MEIS3: variants seen among roughly 807,000 people sequenced by gnomAD.
The protein encoded by MEIS3 is homeobox protein Meis3.
In MEIS3, 38 loss-of-function variants were observed where a neutral mutation model predicts 51.4. The observed-to-expected ratio is 0.74, with a 90% CI of 0.57 to 0.97. The LOEUF is 0.97. MEIS3 is among the 50% of genes least tolerant of loss of function. MEIS3 has a pLI of 0.00. For synonymous variants in MEIS3, 198 were observed against 201.8 expected (o/e 0.98, Z 0.16); for missense variants, 456 against 502.6 (o/e 0.91, Z 0.89).
At chr19:47,408,227 A>G (rs1395822954) in intron 8 of MEIS3, among the ~76,000 whole-genome samples, 1 of 151,880 alleles carries the variant, frequency 6.6e-6, no homozygotes, top group Non-Finnish European at 1.5e-5. Context: ...CCCTGGCTCA[A>G]GCAATCCTCC....
intron 11 of MEIS3, 138 bp downstream of exon 11, chr19:47,406,750 T>A: frequency 1.1e-6 from 1 of 900,490 alleles, no homozygotes; most frequent in Non-Finnish European, 1.7e-6. Context: ...CCAGGAAATC[T>A]GCCTTGGCAT....
At chr19:47,412,590 C>T (rs1189629202) in intron 6 of MEIS3, among the ~76,000 whole-genome samples, 7 of 151,680 alleles carry the variant, frequency 4.6e-5, no homozygotes, top group Admixed American at 4.6e-4. Flanking sequence ...GAGACAGAGT[C>T]TTGCCCTGTC....
intron 1 of MEIS3, 87 bp from the exon 2 acceptor site, chr19:47,417,437 C>T: frequency 4.1e-6 from 6 of 1,465,524 alleles, no homozygotes; most frequent in African/African-American, 1.4e-5. Context: ...TATCCTGGAA[C>T]CCAGGAGATG....
intron 8 of MEIS3, chr19:47,407,633 C>T (rs1445636317): frequency 3.8e-6 from 5 of 1,330,506 alleles, no homozygotes; most frequent in African/African-American, 1.5e-5. Flanking sequence ...TGCCAGCCCC[C>T]GCCTGTTCCA....
chr19:47,404,813 G>A (rs913105817), intron 12 of MEIS3, among the ~76,000 whole-genome samples: 1 of 152,212 alleles, frequency 6.6e-6, no homozygotes, highest in African/African-American at 2.4e-5. Flanking sequence ...CCGTTCTGGG[G>A]CATCACCATC....
At position 47,419,140 on chromosome 19, in the gene MEIS3, C is replaced by A; in HGVS notation, c.-59G>T. On this transcript the variant is annotated 5_prime_UTR_variant, in exon 1 of 13. Coordinates refer to ENST00000558555, the MANE Select transcript of MEIS3 (RefSeq NM_001301059.2). Reference sequence around the variant, plus strand: ...CAGAGCCTGGCCGCGGGGGAGGGCGCAGCCCGGGGCCGCAGCCCCTGACGG... The same window carrying A: ...CAGAGCCTGGCCGCGGGGGAGGGCGAAGCCCGGGGCCGCAGCCCCTGACGG... 3.3e-6 allele frequency: 4 copies of A among 1,211,426 alleles called. No individual in the cohort carries two copies. Among genetic ancestry groups the A allele is most frequent in the Non-Finnish European group, 3.1e-6 (3 of 970,180 alleles). 75.0% of individuals were successfully genotyped at this position (1,211,426 alleles called of 1,614,324 possible).
At chr19:47,403,656 CAG>C (rs919163556) in intron 12 of MEIS3, 103 bp from the exon 13 acceptor site, 1 of 335,164 alleles carries the variant, frequency 3.0e-6, no homozygotes, top group African/African-American at 2.2e-5. Context: ...GAGGGGGACA[CAG>C]AGAGAGTGGC....
intron 1 of MEIS3, chr19:47,418,779 G>A (rs1237551381): frequency 3.0e-6 from 1 of 338,152 alleles, no homozygotes; most frequent in Non-Finnish European, 5.3e-6. Context: ...GGGGGACAGA[G>A]AGGCAGAAAG....
At chr19:47,406,285 G>GGATGGATGGATGGACGGACGGACA (rs1970813532) in intron 12 of MEIS3, 175 bp downstream of exon 12, 1 of 537,480 alleles carries the variant, frequency 1.9e-6, no homozygotes, top group South Asian at 2.8e-5. Context: ...ATGGATGGAT[G>GGATGGATGGATGGACGGACGGACA]GATGGATGGA....
At chr19:47,418,946 A>C in intron 1 of MEIS3, 124 bp downstream of exon 1, 1 of 514,826 alleles carries the variant, frequency 1.9e-6, no homozygotes, top group Non-Finnish European at 2.9e-6. Context: ...AGGGAGGGGC[A>C]GAGAGAGAGC....
chr19:47,414,708 CG>C lies in MEIS3; in HGVS notation c.597+8del. Reference sequence around the variant, plus strand: ...GCAGGACGATGCCTGGTGCCCGTCCCGGGCCCACCTGGTCTGGGAGGCTGGG... The same window carrying C: ...GCAGGACGATGCCTGGTGCCCGTCCCGGCCCACCTGGTCTGGGAGGCTGGG... On this transcript the variant is annotated splice_region_variant and intron_variant, in intron 6 of 12. Coordinates refer to ENST00000558555, the MANE Select transcript of MEIS3 (RefSeq NM_001301059.2). 1.3e-6 allele frequency: 2 copies of C among 1,584,946 alleles called. No homozygotes were observed. The highest frequency in any genetic ancestry group is 1.7e-6 in the Non-Finnish European group (2 of 1,166,720).
intron 4 of MEIS3, 185 bp downstream of exon 4, chr19:47,416,467 C>T (rs1055958274): frequency 1.8e-5 from 10 of 554,286 alleles, no homozygotes; most frequent in South Asian, 1.2e-4. Context: ...GATTTGAACT[C>T]GGGCCATGGG....
At chr19:47,421,828 A>T (rs1343610781), upstream of MEIS3, among the ~76,000 whole-genome samples, 2 of 128,944 alleles carry the variant, frequency 1.6e-5, no homozygotes, top group African/African-American at 3.0e-5. Flanking sequence ...CTTTCTCTCC[A>T]TCTTTCTCGG....
rs1168009828 is a variant in MEIS3 at position 47,416,861 on chromosome 19, T to A, written c.288A>T (p.Gly96=). 5.6e-6 allele frequency: 9 copies of A among 1,613,914 alleles called. No individual in the cohort carries two copies. Among genetic ancestry groups the A allele is most frequent in the Non-Finnish European group, 7.6e-6 (9 of 1,179,952 alleles). The part of the protein sequence containing the change: ...GAGAGLGTPP[G]GDVCSSDSFN... ...AGGAATCAGAGGAGCAGACGTCACC[T>A]CCAGGGGGTGTCCCCAGCCCAGCTC... The change falls in exon 3 of 13, where the codon GGA becomes GGT. Residue 96 remains glycine, a synonymous_variant. Transcript: ENST00000558555.
chr19:47,422,190 A>G (rs555150238), upstream of MEIS3, among the ~76,000 whole-genome samples: 4 of 149,942 alleles, frequency 2.7e-5, no homozygotes, highest in South Asian at 8.6e-4. Flanking sequence ...CAATCATACC[A>G]TTAGCCACGG....
chr19:47,403,378 C>T lies in MEIS3; in HGVS notation c.*193G>A, dbSNP rs371142146. On this transcript the variant is annotated 3_prime_UTR_variant, in exon 13 of 13. Coordinates refer to ENST00000558555, the MANE Select transcript of MEIS3 (RefSeq NM_001301059.2). ...AGAAGTGGGGCTCAGGGCCTGGAGG[C>T]CTTGCCGGTGTCCTTGAGAGCCCTT... is the stretch of plus-strand genomic sequence containing the variant. The T allele has an allele frequency of 1.7e-4, 79 of 454,046 alleles. No individual in the cohort carries two copies. Among genetic ancestry groups the T allele is most frequent in the African/African-American group, 1.2e-3 (62 of 50,106 alleles). 28.1% of individuals were successfully genotyped at this position (454,046 alleles called of 1,614,324 possible).
At chr19:47,420,312 C>A (rs1279877416), upstream of MEIS3, among the ~76,000 whole-genome samples, 1 of 152,214 alleles carries the variant, frequency 6.6e-6, no homozygotes, top group Non-Finnish European at 1.5e-5. Flanking sequence ...TTAGGAGTCT[C>A]TGGCTCTATT....
At chr19:47,409,063 C>T (rs1217599241) in intron 8 of MEIS3, 36 bp downstream of exon 8, 3 of 1,603,046 alleles carry the variant, frequency 1.9e-6, no homozygotes, top group African/African-American at 2.7e-5. Flanking sequence ...TCCCTCTCTC[C>T]ATTCCCACCC....
chr19:47,414,030 C>T (rs1017559048), intron 6 of MEIS3, among the ~76,000 whole-genome samples: 4 of 152,074 alleles, frequency 2.6e-5, no homozygotes, highest in African/African-American at 9.7e-5. Flanking sequence ...CCACCGCACC[C>T]GGCCTGGGTT....
Sources: allele counts gnomAD v4.1 joint callset (sites outside exome capture counted in the v4.1 genomes callset), GRCh38; gene constraint gnomAD v4.1.1; transcripts MANE v1.5; gene names NCBI Gene and HGNC (gene_info 2026-07-23, HGNC 2026-07-21).